COL5A1: variants seen among roughly 807,000 people sequenced by gnomAD.
COL5A1 encodes the protein collagen alpha-1(V) chain.
COL5A1 carries 16 observed loss-of-function variants against 263.7 expected under a neutral mutation model. That is an observed-to-expected ratio of 0.06 (90% CI 0.04 to 0.09). The LOEUF (loss-of-function observed/expected upper bound fraction) is 0.09. COL5A1 is among the 10% of genes least tolerant of loss of function. The probability of loss-of-function intolerance (pLI) is 1.00; values close to 1 mark genes in which losing one functional copy is unlikely to be tolerated. For missense variants in COL5A1, 2,036 were observed against 2,540.5 expected (o/e 0.80, Z 4.27); for synonymous variants, 1,012 against 1,004.5 (o/e 1.01, Z -0.14).
chr9:134,697,165 C>T (rs919864462), intron 2 of COL5A1, among the ~76,000 whole-genome samples: 4 of 152,090 alleles, frequency 2.6e-5, no homozygotes, highest in African/African-American at 2.4e-5. Context: ...GTTCGACAGC[C>T]GATTCCCTCC....
rs534383068 is a variant in COL5A1 at position 134,758,857 on chromosome 9, G to A, written c.1935+561G>A. Among the ~76,000 whole-genome samples, 19 of 152,148 alleles carry A rather than the reference G, an allele frequency of 1.2e-4. No homozygotes were observed. Among genetic ancestry groups the A allele is most frequent in the Non-Finnish European group, 2.5e-4 (17 of 68,006 alleles). On this transcript the variant is annotated intron_variant, in intron 18 of 65. Coordinates refer to ENST00000371817, the MANE Select transcript of COL5A1 (RefSeq NM_000093.5). This position sits in a 1 kb window ranked among gnomAD's most constrained non-coding sequence, Gnocchi z 4.1. The stretch of plus-strand genomic sequence containing the variant: ...ACCTGGGGGTCTTCCTGGCTGCGCC[G>A]TTTCTATGTGGTTGTTGGAGAACAC...
chr9:134,814,246 G>T (rs1473004386), intron 49 of COL5A1, among the ~76,000 whole-genome samples: 1 of 152,204 alleles, frequency 6.6e-6, no homozygotes, highest in African/African-American at 2.4e-5. Context: ...ATAGCTACCT[G>T]TGCCCAGTGG....
In COL5A1 at chr9:134,824,558, C is replaced by T. The variant is rs200442228; in HGVS notation, c.4699-42C>T. The T allele has an allele frequency of 8.5e-4, 1,372 of 1,611,494 alleles. 2 individuals are homozygous for T. The highest frequency in any genetic ancestry group is 9.8e-4 in the Non-Finnish European group (1,156 of 1,179,502). On this transcript the variant is annotated intron_variant, in intron 61 of 65. Coordinates refer to ENST00000371817, the MANE Select transcript of COL5A1 (RefSeq NM_000093.5). ...CTCTGCTCATATCCTGGGACCCTTCCCATCCTCCATCACCCACCGCTGCTC... is the reference window on the plus strand; with the variant it reads ...CTCTGCTCATATCCTGGGACCCTTCTCATCCTCCATCACCCACCGCTGCTC...
chr9:134,767,420 T>C, intron 24 of COL5A1, 66 bp downstream of exon 24: 2 of 1,446,918 alleles, frequency 1.4e-6, no homozygotes, highest in Non-Finnish European at 1.9e-6. Context: ...GGCCCCACCC[T>C]GGGAGGACCC....
rs3124310 is a variant in COL5A1, at chr9:134,731,755, C to G, written c.1332+92C>G. 0.72 allele frequency: 999,317 copies of G among 1,397,098 alleles called. 362,246 individuals carry two copies. Among genetic ancestry groups the G allele is most frequent in the East Asian group, 0.91 (39,109 of 43,126 alleles). 86.5% of individuals were successfully genotyped at this position (1,397,098 alleles called of 1,614,324 possible). A position where few individuals can be genotyped will look rare whatever the true frequency, so the allele number is the denominator to read the frequency against. On this transcript the variant is annotated intron_variant, in intron 8 of 65. Coordinates refer to ENST00000371817, the MANE Select transcript of COL5A1 (RefSeq NM_000093.5). The stretch of plus-strand genomic sequence containing the variant: ...GCCCAAGAGCCTCCTCAGGGGTGGG[C>G]CTCTACGGGCAGCTCAAGTGTTACA...
rs1195699253 is a variant in COL5A1, at chr9:134,801,988, C to G, written c.2987C>G (p.Pro996Arg). ...FQGKTGPPGPPGVVGPQGPTG... is the reference protein window; with the variant it reads ...FQGKTGPPGPRGVVGPQGPTG... ...GGCAAGACCGGCCCTCCAGGCCCCC[C>G]CGGCGTGGTCGGCCCTCAGGTAAGC... Residue 996 changes from proline to arginine, a missense_variant, in exon 38 of 66, where the codon CCC (proline) becomes CGC (arginine). Around this residue, in one of 3 missense-constraint regions of COL5A1, gnomAD observed 1,078 missense variants for 1,521.4 expected, o/e 0.71. Coordinates refer to ENST00000371817, the MANE Select transcript of COL5A1 (RefSeq NM_000093.5). 5 of 1,613,320 alleles carry G rather than the reference C, an allele frequency of 3.1e-6. No individual in the cohort carries two copies. In the Admixed American group the frequency reaches 8.3e-5, roughly 27 times the overall value.
chr9:134,756,477 C>A lies in COL5A1; in HGVS notation c.1828-288C>A, dbSNP rs185331081. On this transcript the variant is annotated intron_variant, in intron 16 of 65. Transcript: ENST00000371817. The stretch of plus-strand genomic sequence containing the variant: ...GGTCTCCTCTGCCACATTGTGGCGT[C>A]TTCTCGAAGCCCAGGGGCAGTGGCG... 3.3e-5 allele frequency among the ~76,000 whole-genome samples: 5 copies of A among 152,364 alleles called. No individual in the cohort carries two copies. The East Asian group carries it at 9.7e-4, about 29-fold the overall frequency.
At chr9:134,815,730 C>G (rs1032186057) in intron 51 of COL5A1, 101 bp downstream of exon 51, 106 of 1,385,534 alleles carry the variant, frequency 7.7e-5, no homozygotes, top group Non-Finnish European at 1.0e-4. Flanking sequence ...GTGATGAACT[C>G]CCACTGGGGC....
chr9:134,780,731 G>A (rs1348852867), intron 28 of COL5A1, among the ~76,000 whole-genome samples: 1 of 152,228 alleles, frequency 6.6e-6, no homozygotes, highest in East Asian at 1.9e-4. Flanking sequence ...AAGCTTGGGT[G>A]CAGCCTGCAG....
intron 7 of COL5A1, among the ~76,000 whole-genome samples, chr9:134,731,171 T>C (rs184519184): frequency 6.6e-6 from 1 of 152,300 alleles, no homozygotes; most frequent in East Asian, 1.9e-4. Flanking sequence ...TCCAGACCCC[T>C]GCGTCTGCAG....
intron 11 of COL5A1, among the ~76,000 whole-genome samples, chr9:134,745,042 T>A (rs1301697567): frequency 2.0e-5 from 3 of 152,244 alleles, no homozygotes. Context: ...TGGTCGTGAA[T>A]GACTTCTGGC....
chr9:134,840,920 TAGTC>T (rs1039200404), intron 65 of COL5A1, among the ~76,000 whole-genome samples: 16 of 152,162 alleles, frequency 1.1e-4, no homozygotes, highest in African/African-American at 3.1e-4. Flanking sequence ...ATTAAGATCA[TAGTC>T]AGGGAGAATA....
At chr9:134,805,317 G>A (rs1046425901) in intron 41 of COL5A1, 103 bp downstream of exon 41, 77 of 1,341,944 alleles carry the variant, frequency 5.7e-5, no homozygotes, top group East Asian at 6.9e-5. Flanking sequence ...CCAGACCCCC[G>A]AGGAGCCTGG....
chr9:134,816,946 C>G (rs149109974), intron 52 of COL5A1, 80 bp from the exon 53 acceptor site: 982 of 1,306,148 alleles, frequency 7.5e-4, no homozygotes, highest in Non-Finnish European at 1.0e-3. Flanking sequence ...AGTAAATAGA[C>G]TGAAATCGCC....
intron 61 of COL5A1, 71 bp from the exon 62 acceptor site, chr9:134,824,529 C>T (rs1839171126): frequency 1.3e-6 from 2 of 1,597,528 alleles, no homozygotes; most frequent in Admixed American, 1.7e-5. Flanking sequence ...CCCAGCTGTC[C>T]CTGCTCTGCT....
At chr9:134,832,517 G>A (rs1337647222) in intron 64 of COL5A1, among the ~76,000 whole-genome samples, 5 of 152,206 alleles carry the variant, frequency 3.3e-5, no homozygotes, top group African/African-American at 1.2e-4. Context: ...AGGAGAGCAG[G>A]GCCTCACTGT....
At chr9:134,792,856 C>CGT (rs1174413136) in intron 32 of COL5A1, among the ~76,000 whole-genome samples, 1 of 38,144 alleles carries the variant, frequency 2.6e-5, no homozygotes, top group Admixed American at 3.1e-4. Context: ...TGTGCGCACA[C>CGT]GTGTGTGTGC....
intron 44 of COL5A1, 22 bp downstream of exon 44, chr9:134,810,330 C>T (rs368151176): frequency 2.0e-5 from 33 of 1,611,422 alleles, no homozygotes; most frequent in African/African-American, 1.7e-4. Flanking sequence ...CACGGGGGCG[C>T]GCGGCAGCCC....
intron 37 of COL5A1, among the ~76,000 whole-genome samples, chr9:134,801,266 C>T (rs1267573100): frequency 1.3e-5 from 2 of 152,232 alleles, no homozygotes; most frequent in Non-Finnish European, 2.9e-5. Context: ...CTGAGGAGCA[C>T]GCGGGCAGAG....
Sources: gnomAD v4.1 joint callset for allele counts (sites outside exome capture counted in the v4.1 genomes callset) on GRCh38, gnomAD v4.1.1 for gene constraint, gnomAD v4.1.1 regional missense constraint, Gnocchi (gnomAD v3.1) non-coding constraint, MANE v1.5 for transcripts, NCBI Gene and HGNC (gene_info 2026-07-23, HGNC 2026-07-21) for gene names.